The following SPHK1 variants were observed in gnomAD, a reference collection of about 807,000 sequenced individuals.
SPHK1 encodes the protein sphingosine kinase 1.
SPHK1 carries 10 observed loss-of-function variants against 14.6 expected under a neutral mutation model. The observed-to-expected ratio is 0.68, with a 90% confidence interval of 0.42 to 1.16. The LOEUF is 1.16. Among genes scored for constraint, SPHK1 ranks in the 50% most tolerant of loss-of-function variants. The probability of loss-of-function intolerance (pLI) is 0.00; values close to 1 mark genes in which losing one functional copy is unlikely to be tolerated. For synonymous variants in SPHK1, 274 were observed against 224.0 expected (o/e 1.22, Z -1.99); for missense variants, 553 against 525.4 (o/e 1.05, Z -0.51).
Position 76,385,999 on chromosome 17 carries a change from GGCGTGCTCCCGCGGCCCT to G in SPHK1, c.28_45del (p.Val10_Cys15del). The G allele has an allele frequency of 1.9e-6, 3 of 1,601,956 alleles. No individual in the cohort carries two copies. Among genetic ancestry groups the G allele is most frequent in the Non-Finnish European group, 2.6e-6 (3 of 1,173,540 alleles). ...TGTTTTCTCAGCGGGCGGCCCCCGG[GGCGTGCTCCCGCGGCCCT>G]GCCGCGTGCTGGTGCTGCTGAACCC... On this transcript the variant is annotated inframe_deletion, in exon 3 of 6. Transcript: ENST00000592299. The surrounding 1 kb of genome is among the most constrained non-coding windows in gnomAD (Gnocchi z 5.3).
Position 76,385,095 on chromosome 17 carries a change from C to A in SPHK1, c.-195+289C>A, listed in dbSNP as rs1033100113. 1 of 1,560,344 alleles carries A rather than the reference C, an allele frequency of 6.4e-7. No homozygotes were observed. The highest frequency in any genetic ancestry group is 8.7e-7 in the Non-Finnish European group (1 of 1,152,062). ...GGGCAGGGATCCTCTCCCAGAACTTCGTGCCCAGCAATGTCCGCTCAAGTT... is the reference window on the plus strand; with the variant it reads ...GGGCAGGGATCCTCTCCCAGAACTTAGTGCCCAGCAATGTCCGCTCAAGTT... On this transcript the variant is annotated intron_variant, in intron 1 of 5. Coordinates refer to ENST00000592299, the MANE Select transcript of SPHK1 (RefSeq NM_001142601.2). The surrounding 1 kb of genome is among the most constrained non-coding windows in gnomAD (Gnocchi z 5.3).
upstream of SPHK1, chr17:76,383,976 C>T: frequency 1.2e-6 from 1 of 826,094 alleles, no homozygotes; most frequent in Non-Finnish European, 1.6e-6. Context: ...GCCTCAGGCT[C>T]GGTAGCCCAG....
chr17:76,383,550 C>T (rs1225992212), upstream of SPHK1: 5 of 267,966 alleles, frequency 1.9e-5, no homozygotes, highest in Admixed American at 1.1e-4. Context: ...GCGGGTGGGG[C>T]CGGCGGGGGC....
In SPHK1 at chr17:76,387,233, C is replaced by G; in HGVS notation, c.802C>G (p.Leu268Val). 1 of 1,613,192 alleles carries G rather than the reference C, an allele frequency of 6.2e-7. No individual in the cohort carries two copies. The highest frequency in any genetic ancestry group is 1.1e-5 in the South Asian group (1 of 91,038). ...VLVLALLHSH[L>V]GSEMFAAPMG... is the part of the protein sequence containing the mutation. ...AGTCCTGGCACTGCTGCACTCGCAC[C>G]TGGGCAGTGAGATGTTTGCTGCACC... The change falls in exon 6 of 6, where the codon CTG becomes GTG. Residue 268 changes from leucine (L) to valine (V), a missense_variant. Physicochemically the swap from Leu to Val is conservative, Grantham distance 32 (BLOSUM62 1). Transcript: ENST00000592299. The surrounding 1 kb of genome is among the most constrained non-coding windows in gnomAD (Gnocchi z 4.1).
chr17:76,387,685 ACTC>A lies in SPHK1; in HGVS notation c.*103_*105del. ...CACAGCTCCTGTGGGGGTGGAGGAG[ACTC>A]CTCTGGAGAAGGGTGAGAAGGTGGA... On this transcript the variant is annotated 3_prime_UTR_variant, in exon 6 of 6. Coordinates refer to ENST00000592299, the MANE Select transcript of SPHK1 (RefSeq NM_001142601.2). The surrounding 1 kb of genome is among the most constrained non-coding windows in gnomAD (Gnocchi z 4.1). The A allele has an allele frequency of 7.6e-7, 1 of 1,316,264 alleles. No individual in the cohort carries two copies. The highest frequency in any genetic ancestry group is 1.5e-5 in the African/African-American group (1 of 67,434). 81.5% of individuals were successfully genotyped at this position (1,316,264 alleles called of 1,614,324 possible). A position where few individuals can be genotyped will look rare whatever the true frequency, so the allele number is the denominator to read the frequency against.
At position 76,386,976 on chromosome 17, in the gene SPHK1, A is replaced by G; in HGVS notation, c.545A>G (p.Glu182Gly). 1 of 1,613,664 alleles carries G rather than the reference A, an allele frequency of 6.2e-7. No homozygotes were observed. The highest frequency in any genetic ancestry group is 8.5e-7 in the Non-Finnish European group (1 of 1,179,938). Residue 182 changes from glutamate (E) to glycine (G), a missense_variant, in exon 6 of 6, where the codon GAG becomes GGG. Coordinates refer to ENST00000592299, the MANE Select transcript of SPHK1 (RefSeq NM_001142601.2). The surrounding 1 kb of genome is among the most constrained non-coding windows in gnomAD (Gnocchi z 5.3). The part of the protein sequence containing the change: ...GFIADVDLES[E>G]KYRRLGEMRF... ...ATTGCTGATGTGGACCTAGAGAGTG[A>G]GAAGTATCGGCGTCTGGGGGAGATG...
chr17:76,387,187 G>T lies in SPHK1; in HGVS notation c.756G>T (p.Val252=). 1 of 1,613,166 alleles carries T rather than the reference G, an allele frequency of 6.2e-7. No homozygotes were observed. The highest frequency in any genetic ancestry group is 1.3e-5 in the African/African-American group (1 of 75,028). The stretch of plus-strand genomic sequence containing the variant: ...CAGTGCCCTCTCACTGGACAGTGGT[G>T]CCCGACGAGGACTTTGTGCTAGTCC... ...EEPVPSHWTV[V]PDEDFVLVLA... Residue 252 remains valine, a synonymous_variant, in exon 6 of 6, where the codon GTG becomes GTT. Coordinates refer to ENST00000592299, the MANE Select transcript of SPHK1 (RefSeq NM_001142601.2). This position sits in a 1 kb window ranked among gnomAD's most constrained non-coding sequence, Gnocchi z 4.1.
chr17:76,384,745 T>G lies in SPHK1; in HGVS notation c.-256T>G. 1 of 184,418 alleles carries G rather than the reference T, an allele frequency of 5.4e-6. No homozygotes were observed. Among genetic ancestry groups the G allele is most frequent in the Non-Finnish European group, 1.1e-5 (1 of 89,530 alleles). 11.4% of individuals were successfully genotyped at this position (184,418 alleles called of 1,614,324 possible). A position where few individuals can be genotyped will look rare whatever the true frequency, so the allele number is the denominator to read the frequency against. ...TGGGCTGAGCTTGGGACGAGCTGCG[T>G]TCCGCCCCAGGCCACTGTAGGGAAC... On this transcript the variant is annotated 5_prime_UTR_variant, in exon 1 of 6. Coordinates refer to ENST00000592299, the MANE Select transcript of SPHK1 (RefSeq NM_001142601.2).
intron 1 of SPHK1, 151 bp downstream of exon 1, chr17:76,384,957 C>A: frequency 1.2e-6 from 1 of 862,858 alleles, no homozygotes; most frequent in Non-Finnish European, 1.7e-6. Context: ...GACCCGGGAG[C>A]GGCTCCCACG....
At position 76,386,305 on chromosome 17, in the gene SPHK1, T is replaced by C. The variant is rs1383354936; in HGVS notation, c.248T>C (p.Leu83Pro). 1.2e-6 allele frequency: 2 copies of C among 1,604,710 alleles called. No individual in the cohort carries two copies. Among genetic ancestry groups the C allele is most frequent in the South Asian group, 1.1e-5 (1 of 90,896 alleles). ...CTGGTGGTCATGTCTGGAGACGGGC[T>C]GATGCACGAGGTGAGGACCGCACTG... ...DALVVMSGDG[L>P]MHEVVNGLME... is the part of the protein sequence containing the mutation. The change falls in exon 4 of 6, where the codon CTG becomes CCG. Residue 83 changes from leucine to proline, a missense_variant. Physicochemically the swap from Leu to Pro is moderately conservative, Grantham distance 98 (BLOSUM62 -3). Coordinates refer to ENST00000592299, the MANE Select transcript of SPHK1 (RefSeq NM_001142601.2). This position sits in a 1 kb window ranked among gnomAD's most constrained non-coding sequence, Gnocchi z 5.3.
chr17:76,385,995 C>A lies in SPHK1; in HGVS notation c.21C>A (p.Pro7=), dbSNP rs771783804. 1.1e-5 allele frequency: 18 copies of A among 1,601,022 alleles called. 1 individual carries two copies. The South Asian group carries it at 2.0e-4, about 18-fold the overall frequency. ...GTTTTGTTTTCTCAGCGGGCGGCCC[C>A]CGGGGCGTGCTCCCGCGGCCCTGCC... MDPAGG[P]RGVLPRPCRV... Residue 7 remains proline, a synonymous_variant, in exon 3 of 6, where the codon CCC becomes CCA. Transcript: ENST00000592299. The surrounding 1 kb of genome is among the most constrained non-coding windows in gnomAD (Gnocchi z 5.3).
rs1335416757 is a variant in SPHK1 at position 76,384,810 on chromosome 17, G to A, written c.-195+4G>A. 3.3e-6 allele frequency: 1 copy of A among 306,172 alleles called. No individual in the cohort carries two copies. Among genetic ancestry groups the A allele is most frequent in the Non-Finnish European group, 6.0e-6 (1 of 166,664 alleles). The allele number at this position is 306,172 out of a possible 1,614,324, so 19.0% of individuals were successfully genotyped here. A position where few individuals can be genotyped will look rare whatever the true frequency, so the allele number is the denominator to read the frequency against. Reference sequence around the variant, plus strand: ...CCCAGCAAACCGGACCGACTGGGTAGGGCCGCCCACCCTGCCTTCGCGCCG... The same window carrying A: ...CCCAGCAAACCGGACCGACTGGGTAAGGCCGCCCACCCTGCCTTCGCGCCG... On this transcript the variant is annotated splice_donor_region_variant and intron_variant, in intron 1 of 5. Transcript: ENST00000592299.
In SPHK1 at chr17:76,386,912, C is replaced by G; in HGVS notation, c.481C>G (p.Leu161Val). The change falls in exon 6 of 6, where the codon CTG becomes GTG. Residue 161 changes from leucine (L) to valine (V), a missense_variant. By Grantham distance (32) the Leu-to-Val change is conservative. Coordinates refer to ENST00000592299, the MANE Select transcript of SPHK1 (RefSeq NM_001142601.2). This position sits in a 1 kb window ranked among gnomAD's most constrained non-coding sequence, Gnocchi z 5.3. ...GCTGTCTCTGCACACGGCTTCGGGGCTGCGCCTCTTCTCTGTGCTCAGCCT... is the reference window on the plus strand; with the variant it reads ...GCTGTCTCTGCACACGGCTTCGGGGGTGCGCCTCTTCTCTGTGCTCAGCCT... ...NLLSLHTASGLRLFSVLSLAW... is the reference protein window; with the variant it reads ...NLLSLHTASGVRLFSVLSLAW... 1.2e-6 allele frequency: 2 copies of G among 1,612,848 alleles called. No individual in the cohort carries two copies. Among genetic ancestry groups the G allele is most frequent in the Non-Finnish European group, 1.7e-6 (2 of 1,179,458 alleles).
chr17:76,386,747 G>C lies in SPHK1; in HGVS notation c.375-59G>C. On this transcript the variant is annotated intron_variant, in intron 5 of 5. Coordinates refer to ENST00000592299, the MANE Select transcript of SPHK1 (RefSeq NM_001142601.2). This position sits in a 1 kb window ranked among gnomAD's most constrained non-coding sequence, Gnocchi z 5.3. ...TGCCAGCTCCCACTCCCCGGGAGGA[G>C]GAAGCGGGGGATACATGGGGGCTCC... 1 of 1,499,592 alleles carries C rather than the reference G, an allele frequency of 6.7e-7. No individual in the cohort carries two copies. The highest frequency in any genetic ancestry group is 8.9e-7 in the Non-Finnish European group (1 of 1,122,696). The allele number at this position is 1,499,592 out of a possible 1,614,324, so 92.9% of individuals were successfully genotyped here.
At chr17:76,383,483 C>G (rs2071901718), upstream of SPHK1, 1 of 190,074 alleles carries the variant, frequency 5.3e-6, no homozygotes, top group Non-Finnish European at 1.1e-5. Context: ...TGGCTGCGTG[C>G]TCCTCCTGGA....
At position 76,386,889 on chromosome 17, in the gene SPHK1, T is replaced by A. The variant is rs759574778; in HGVS notation, c.458T>A (p.Leu153Gln). ...CGGCTGCTGTCACCCATGAACCTGC[T>A]GTCTCTGCACACGGCTTCGGGGCTG... Reference protein sequence around the residue: ...CRRLLSPMNLLSLHTASGLRL... With the variant: ...CRRLLSPMNLQSLHTASGLRL... The change falls in exon 6 of 6, where the codon CTG (leucine) becomes CAG (glutamine). Residue 153 changes from leucine to glutamine, a missense_variant. Leu to Gln is a moderately radical substitution (Grantham distance 113, BLOSUM62 -2). Transcript: ENST00000592299. The surrounding 1 kb of genome is among the most constrained non-coding windows in gnomAD (Gnocchi z 5.3). 2.5e-6 allele frequency: 4 copies of A among 1,610,724 alleles called. No homozygotes were observed. Among genetic ancestry groups the A allele is most frequent in the Non-Finnish European group, 2.5e-6 (3 of 1,178,032 alleles).
Position 76,387,008 on chromosome 17 carries a change from A to G in SPHK1, c.577A>G (p.Thr193Ala). ...TCGGCGTCTGGGGGAGATGCGCTTC[A>G]CTCTGGGCACCTTCCTGCGTCTGGC... ...KYRRLGEMRF[T>A]LGTFLRLAAL... is the part of the protein sequence containing the mutation. Residue 193 changes from threonine (T) to alanine (A), a missense_variant, in exon 6 of 6, where the codon ACT (threonine) becomes GCT (alanine). Thr to Ala is a moderately conservative substitution (Grantham distance 58). Coordinates refer to ENST00000592299, the MANE Select transcript of SPHK1 (RefSeq NM_001142601.2). This position sits in a 1 kb window ranked among gnomAD's most constrained non-coding sequence, Gnocchi z 4.1. 6.2e-7 allele frequency: 1 copy of G among 1,613,196 alleles called. No homozygotes were observed. The highest frequency in any genetic ancestry group is 8.5e-7 in the Non-Finnish European group (1 of 1,179,910).
chr17:76,386,837 AC>A lies in SPHK1; in HGVS notation c.408del (p.Asn137ThrfsTer14), dbSNP rs2071993954. 1 of 1,572,650 alleles carries A rather than the reference AC, an allele frequency of 6.4e-7. No homozygotes were observed. Among genetic ancestry groups the A allele is most frequent in the Non-Finnish European group, 8.6e-7 (1 of 1,157,032 alleles). On this transcript the variant is annotated frameshift_variant, in exon 6 of 6. Coordinates refer to ENST00000592299, the MANE Select transcript of SPHK1 (RefSeq NM_001142601.2). LOFTEE classifies it low-confidence loss of function (END_TRUNC). The surrounding 1 kb of genome is among the most constrained non-coding windows in gnomAD (Gnocchi z 5.3). ...YEQVTNEDLL[T>X]NCTLLLCRRL... ...GCAGGTCACCAATGAAGACCTCCTG[AC>A]CAACTGCACGCTATTGCTGTGCCGC...
At position 76,385,172 on chromosome 17, in the gene SPHK1, G is replaced by T; in HGVS notation, c.-194-279G>T. ...CCTCCCCCTGGCAGCCCCGAGGGGT[G>T]AGGAGCTAGTCCGTCGGAGGGAGCC... On this transcript the variant is annotated intron_variant, in intron 1 of 5. Coordinates refer to ENST00000592299, the MANE Select transcript of SPHK1 (RefSeq NM_001142601.2). This position sits in a 1 kb window ranked among gnomAD's most constrained non-coding sequence, Gnocchi z 5.3. The T allele has an allele frequency of 6.3e-7, 1 of 1,589,470 alleles. No individual in the cohort carries two copies.
Sources: gnomAD v4.1 joint callset for allele counts on GRCh38, gnomAD v4.1.1 for gene constraint, Gnocchi (gnomAD v3.1) non-coding constraint, MANE v1.5 for transcripts, NCBI Gene and HGNC (gene_info 2026-07-23, HGNC 2026-07-21) for gene names.